The following CGNL1 variants were observed in gnomAD, a reference collection of about 807,000 sequenced individuals.
CGNL1 encodes cingulin-like protein 1.
CGNL1 carries 132 observed loss-of-function variants against 141.2 expected under a neutral mutation model. The observed-to-expected ratio is 0.93, with a 90% CI of 0.81 to 1.08. The LOEUF (loss-of-function observed/expected upper bound fraction) is 1.08. Ranked by LOEUF, CGNL1 falls within the 50% of genes least tolerant of loss-of-function variation. The pLI is 0.00. For synonymous variants in CGNL1, 690 were observed against 622.1 expected (o/e 1.11, Z -1.63); for missense variants, 1,870 against 1,588.6 (o/e 1.18, Z -3.01).
rs536486203 is a variant in CGNL1 at position 57,517,663 on chromosome 15, T to C, written c.2610+677T>C. The stretch of plus-strand genomic sequence containing the variant: ...CTTCTGTGTTGAAGTGTGAATGGCA[T>C]CACATGGCAGAAGGGCAGAGGTGGA... On this transcript the variant is annotated intron_variant, in intron 9 of 18. Transcript: ENST00000281282. 4.6e-5 allele frequency among the ~76,000 whole-genome samples: 7 copies of C among 152,248 alleles called. No individual in the cohort carries two copies. In the South Asian group the frequency reaches 1.5e-3, roughly 32 times the overall value.
intron 1 of CGNL1, among the ~76,000 whole-genome samples, chr15:57,377,760 G>T (rs1473148640): frequency 6.6e-6 from 1 of 152,200 alleles, no homozygotes; most frequent in African/African-American, 2.4e-5. Context: ...TCAGGGTCAA[G>T]GTTATAATAC....
intron 8 of CGNL1, among the ~76,000 whole-genome samples, chr15:57,486,600 C>T (rs2063788701): frequency 6.6e-6 from 1 of 152,174 alleles, no homozygotes; most frequent in Non-Finnish European, 1.5e-5. Context: ...TGAGTGAGAA[C>T]AGCTTGTCAA....
At chr15:57,406,960 G>T (rs2062730207) in intron 1 of CGNL1, 1 of 152,172 alleles carries the variant, frequency 6.6e-6, no homozygotes, top group South Asian at 2.1e-4. Flanking sequence ...ACTTATTCCT[G>T]ATCTATTCAC....
At position 57,452,318 on chromosome 15, in the gene CGNL1, C is replaced by T. The variant is rs777995711; in HGVS notation, c.2054+29C>T. The T allele has an allele frequency of 2.9e-5, 46 of 1,601,852 alleles. No individual in the cohort carries two copies. In the South Asian group the frequency reaches 5.1e-4, roughly 18 times the overall value. Reference sequence around the variant, plus strand: ...AGTTCTGGGCTGAGAGCCTGTTGCCCTTCCCAGGTTCTCTATGACATGTAG... The same window carrying T: ...AGTTCTGGGCTGAGAGCCTGTTGCCTTTCCCAGGTTCTCTATGACATGTAG... On this transcript the variant is annotated intron_variant, in intron 6 of 18. Transcript: ENST00000281282.
chr15:57,414,269 G>A (rs2062824521), intron 1 of CGNL1, among the ~76,000 whole-genome samples: 1 of 152,226 alleles, frequency 6.6e-6, no homozygotes. Flanking sequence ...GAAGAAGGCA[G>A]ACGGGGCTGG....
intron 8 of CGNL1, among the ~76,000 whole-genome samples, chr15:57,497,817 G>T (rs2063962840): frequency 6.6e-6 from 1 of 152,242 alleles, no homozygotes; most frequent in African/African-American, 2.4e-5. Flanking sequence ...CGGCCTGTAG[G>T]AGTCCTGCAG....
At chr15:57,382,432 T>C (rs2062434973) in intron 1 of CGNL1, among the ~76,000 whole-genome samples, 1 of 152,338 alleles carries the variant, frequency 6.6e-6, no homozygotes, top group South Asian at 2.1e-4. Flanking sequence ...GAAGCCTCTT[T>C]GTTTACAGGG....
intron 8 of CGNL1, among the ~76,000 whole-genome samples, chr15:57,470,507 G>C (rs1044563377): frequency 1.3e-5 from 2 of 151,906 alleles, no homozygotes; most frequent in Non-Finnish European, 2.9e-5. Flanking sequence ...TCTCTTAGCG[G>C]GCCTCCATGA....
At chr15:57,459,274 T>C (rs1269027470) in intron 7 of CGNL1, among the ~76,000 whole-genome samples, 3 of 152,236 alleles carry the variant, frequency 2.0e-5, no homozygotes, top group Non-Finnish European at 4.4e-5. Flanking sequence ...AACAGATAAG[T>C]GCTCCCAATA....
At chr15:57,440,333 G>T (rs759434926) in intron 2 of CGNL1, 44 bp from the exon 3 acceptor site, 1 of 1,438,764 alleles carries the variant, frequency 7.0e-7, no homozygotes, top group Non-Finnish European at 9.6e-7. Context: ...GGAAGCCTCT[G>T]GGAACTTCAT....
intron 1 of CGNL1, among the ~76,000 whole-genome samples, chr15:57,380,642 C>T (rs778162449): frequency 2.0e-5 from 3 of 152,102 alleles, no homozygotes; most frequent in Non-Finnish European, 2.9e-5. Context: ...TTGGAAATGT[C>T]CGACTCCAGG....
intron 1 of CGNL1, among the ~76,000 whole-genome samples, chr15:57,433,021 T>A (rs182809568): frequency 3.3e-5 from 5 of 150,838 alleles, no homozygotes; most frequent in Non-Finnish European, 5.9e-5. Flanking sequence ...ATATTTTCAT[T>A]GAAAAGTCAG....
intron 8 of CGNL1, among the ~76,000 whole-genome samples, chr15:57,484,685 A>T (rs1286220502): frequency 1.2e-4 from 19 of 152,108 alleles, no homozygotes; most frequent in African/African-American, 4.3e-4. Flanking sequence ...CGCATGCATT[A>T]GGTATTTCTT....
At chr15:57,534,078 T>C (rs934413467) in intron 14 of CGNL1, among the ~76,000 whole-genome samples, 4 of 152,182 alleles carry the variant, frequency 2.6e-5, no homozygotes, top group Admixed American at 6.5e-5. Context: ...ATTCTAACAT[T>C]GCAATGCTGC....
intron 6 of CGNL1, among the ~76,000 whole-genome samples, chr15:57,453,090 G>A (rs1294538617): frequency 6.6e-6 from 1 of 152,150 alleles, no homozygotes; most frequent in Non-Finnish European, 1.5e-5. Flanking sequence ...GTTTGGTTCA[G>A]GACAGAGTTT....
chr15:57,407,143 C>G (rs1011027701), intron 1 of CGNL1: 2 of 152,228 alleles, frequency 1.3e-5, no homozygotes, highest in East Asian at 1.9e-4. Context: ...TGAAGAATTT[C>G]AAGACCTTCC....
chr15:57,451,804 A>G (rs1487663143), intron 5 of CGNL1, among the ~76,000 whole-genome samples: 3 of 152,074 alleles, frequency 2.0e-5, no homozygotes, highest in Non-Finnish European at 4.4e-5. Flanking sequence ...AAGCCTATAG[A>G]GACTGTTTGC....
chr15:57,507,284 C>T (rs775154803), intron 8 of CGNL1, among the ~76,000 whole-genome samples: 2 of 152,176 alleles, frequency 1.3e-5, no homozygotes, highest in Non-Finnish European at 2.9e-5. Context: ...ATTTTTATTT[C>T]CTTGTTGAGT....
intron 1 of CGNL1, among the ~76,000 whole-genome samples, chr15:57,395,928 C>G (rs1161932038): frequency 6.6e-6 from 1 of 152,152 alleles, no homozygotes; most frequent in Non-Finnish European, 1.5e-5. Flanking sequence ...TGTGCCTCCT[C>G]CTGATTGTTA....
Sources: gnomAD v4.1 joint callset for allele counts (sites outside exome capture counted in the v4.1 genomes callset) on GRCh38, gnomAD v4.1.1 for gene constraint, MANE v1.5 for transcripts, NCBI Gene and HGNC (gene_info 2026-07-23, HGNC 2026-07-21) for gene names.